ARHGAP15: variants seen among roughly 807,000 people sequenced by gnomAD.
ARHGAP15 encodes the protein Rho GTPase activating protein 15, also known as rho GTPase-activating protein 15.
A neutral mutation model predicts 63.7 loss-of-function variants in ARHGAP15; 51 were observed. That is an observed-to-expected ratio of 0.80 (90% CI 0.64 to 1.01). The LOEUF is 1.01. Among genes scored for constraint, ARHGAP15 ranks in the 50% least tolerant of loss-of-function variants. The probability of loss-of-function intolerance (pLI) is 0.00; values close to 1 mark genes in which losing one functional copy is unlikely to be tolerated. For synonymous variants in ARHGAP15, 191 were observed against 193.8 expected (o/e 0.99, Z 0.12); for missense variants, 560 against 564.6 (o/e 0.99, Z 0.08).
chr2:143,567,467 A>C (rs1405273877), intron 11 of ARHGAP15, among the ~76,000 whole-genome samples: 1 of 152,206 alleles, frequency 6.6e-6, no homozygotes, highest in Non-Finnish European at 1.5e-5. Flanking sequence ...GTTGCTTTCT[A>C]GTCAGTCCAG....
intron 9 of ARHGAP15, among the ~76,000 whole-genome samples, chr2:143,489,390 A>G (rs1692475560): frequency 6.6e-6 from 1 of 152,222 alleles, no homozygotes; most frequent in African/African-American, 2.4e-5. Flanking sequence ...GCTATGGAAA[A>G]TCTATGTAAA....
At chr2:143,610,417 G>C (rs1311012031) in intron 11 of ARHGAP15, among the ~76,000 whole-genome samples, 2 of 152,138 alleles carry the variant, frequency 1.3e-5, no homozygotes, top group East Asian at 3.9e-4. Flanking sequence ...GTTTGGTTCT[G>C]CCTTCCTAAG....
intron 11 of ARHGAP15, among the ~76,000 whole-genome samples, chr2:143,580,654 T>C (rs1424756513): frequency 1.3e-5 from 2 of 152,166 alleles, no homozygotes; most frequent in African/African-American, 4.8e-5. Context: ...ATCACAATTA[T>C]TTTAATACCT....
intron 11 of ARHGAP15, chr2:143,571,765 T>G (rs566566875): frequency 6.6e-6 from 1 of 152,312 alleles, no homozygotes; most frequent in East Asian, 1.9e-4. Context: ...GTCTATTACT[T>G]TCATGTCTGG....
intron 6 of ARHGAP15, among the ~76,000 whole-genome samples, chr2:143,349,906 A>G (rs1322596907): frequency 6.6e-6 from 1 of 152,168 alleles, no homozygotes; most frequent in Non-Finnish European, 1.5e-5. Context: ...GGATGATAAG[A>G]TATTAAGATC....
At chr2:143,685,332 G>A (rs1574838297) in intron 12 of ARHGAP15, among the ~76,000 whole-genome samples, 1 of 152,144 alleles carries the variant, frequency 6.6e-6, no homozygotes, top group Admixed American at 6.5e-5. Context: ...AAACACAGTC[G>A]AGCTATTTGC....
chr2:143,517,601 C>T (rs374777506), intron 9 of ARHGAP15, among the ~76,000 whole-genome samples: 16 of 152,258 alleles, frequency 1.1e-4, no homozygotes, highest in East Asian at 9.7e-4. Flanking sequence ...TGAGATATGA[C>T]GCCTACTCTC....
intron 6 of ARHGAP15, among the ~76,000 whole-genome samples, chr2:143,406,938 C>T (rs968253359): frequency 1.3e-5 from 2 of 151,788 alleles, no homozygotes; most frequent in African/African-American, 4.8e-5. Context: ...TACAGGAGAA[C>T]ATCAAAGGGC....
At chr2:143,240,010 A>AAAAAC (rs1302698846) in intron 5 of ARHGAP15, among the ~76,000 whole-genome samples, 5 of 148,026 alleles carry the variant, frequency 3.4e-5, no homozygotes, top group Non-Finnish European at 1.5e-5. Flanking sequence ...AAAAAAAAAA[A>AAAAAC]AAAAAAAAAA....
intron 9 of ARHGAP15, among the ~76,000 whole-genome samples, chr2:143,505,794 G>C (rs564744718): frequency 2.1e-4 from 32 of 152,160 alleles, no homozygotes; most frequent in Non-Finnish European, 2.9e-4. Context: ...CTTTTAAGCT[G>C]AAGCTGAGGA....
At chr2:143,480,072 C>G (rs1056401454) in intron 8 of ARHGAP15, among the ~76,000 whole-genome samples, 2 of 152,068 alleles carry the variant, frequency 1.3e-5, no homozygotes, top group African/African-American at 4.8e-5. Context: ...AGAGTTTAAA[C>G]AAAACACCCT....
At chr2:143,505,138 T>G (rs1574545440) in intron 9 of ARHGAP15, among the ~76,000 whole-genome samples, 3 of 152,210 alleles carry the variant, frequency 2.0e-5, no homozygotes, top group African/African-American at 7.2e-5. Flanking sequence ...TCTCAGGAGT[T>G]CACAATTCTC....
chr2:143,322,079 TTCTC>T (rs71669389), intron 6 of ARHGAP15, among the ~76,000 whole-genome samples: 31,763 of 152,048 alleles, frequency 0.21, 3,847 homozygotes, highest in East Asian at 0.4. Context: ...CTTTTAAAAT[TTCTC>T]TCTCCTGCAC....
intron 10 of ARHGAP15, among the ~76,000 whole-genome samples, chr2:143,541,943 G>T (rs113118307): frequency 2.0e-5 from 3 of 152,188 alleles, no homozygotes; most frequent in Non-Finnish European, 4.4e-5. Flanking sequence ...GGTTATTGCT[G>T]TCTTTTGTTT....
intron 13 of ARHGAP15, among the ~76,000 whole-genome samples, chr2:143,753,105 A>G (rs551436414): frequency 1.3e-5 from 2 of 152,346 alleles, no homozygotes; most frequent in East Asian, 3.9e-4. Flanking sequence ...TGATTGTGCC[A>G]CTGCACTCTA....
At chr2:143,540,324 CTT>C (rs1694988420) in intron 10 of ARHGAP15, among the ~76,000 whole-genome samples, 1 of 152,176 alleles carries the variant, frequency 6.6e-6, no homozygotes. Context: ...GGTCTTGACT[CTT>C]TATCCAATTT....
chr2:143,356,850 G>T (rs62170428), intron 6 of ARHGAP15, among the ~76,000 whole-genome samples: 7,016 of 152,170 alleles, frequency 0.046, 216 homozygotes, highest in Non-Finnish European at 0.069. Flanking sequence ...CCTTATTTTG[G>T]TAGTCTGATA....
chr2:143,273,026 A>G (rs969000267), intron 6 of ARHGAP15, among the ~76,000 whole-genome samples: 17 of 150,060 alleles, frequency 1.1e-4, no homozygotes, highest in African/African-American at 3.9e-4. Context: ...TACTTTCTTG[A>G]TATGTTTGCC....
intron 6 of ARHGAP15, among the ~76,000 whole-genome samples, chr2:143,382,893 C>T (rs1026460575): frequency 1.6e-4 from 25 of 152,148 alleles, no homozygotes; most frequent in African/African-American, 5.3e-4. Flanking sequence ...GTGACAGATT[C>T]GAACCACAGC....
Sources: allele counts gnomAD v4.1 joint callset (sites outside exome capture counted in the v4.1 genomes callset), GRCh38; gene constraint gnomAD v4.1.1; transcripts MANE v1.5; gene names NCBI Gene and HGNC (gene_info 2026-07-23, HGNC 2026-07-21).